The following ATXN1 variants were observed in gnomAD, a reference collection of about 807,000 sequenced individuals.
ATXN1 encodes the protein ataxin 1.
A neutral mutation model predicts 56.4 loss-of-function variants in ATXN1; 8 were observed. That is an observed-to-expected ratio of 0.14 (90% CI 0.08 to 0.26). ATXN1 has a LOEUF of 0.26. Ranked by LOEUF, ATXN1 falls within the 10% of genes least tolerant of loss-of-function variation. The probability of loss-of-function intolerance (pLI) is 1.00; values close to 1 mark genes in which losing one functional copy is unlikely to be tolerated. For missense variants in ATXN1, 987 were observed against 1,106.5 expected (o/e 0.89, Z 1.53); for synonymous variants, 514 against 494.6 (o/e 1.04, Z -0.52).
At chr6:16,428,207 C>T (rs6909206) in intron 6 of ATXN1, among the ~76,000 whole-genome samples, 70,316 of 149,850 alleles carry the variant, frequency 0.47, 16,776 homozygotes, top group Non-Finnish European at 0.5. Flanking sequence ...CAACCTCTGG[C>T]TCCCAGGTTC....
chr6:16,317,314 TTTC>T (rs1361415702), intron 7 of ATXN1, among the ~76,000 whole-genome samples: 1 of 151,668 alleles, frequency 6.6e-6, no homozygotes, highest in Non-Finnish European at 1.5e-5. Flanking sequence ...CTTTATAACT[TTTC>T]TTTCTTTCTT....
chr6:16,752,493 T>C (rs1225946170), intron 2 of ATXN1, among the ~76,000 whole-genome samples: 1 of 152,144 alleles, frequency 6.6e-6, no homozygotes, highest in East Asian at 1.9e-4. Flanking sequence ...TCTTCACAGT[T>C]TCAAGCAGGT....
intron 3 of ATXN1, among the ~76,000 whole-genome samples, chr6:16,639,314 A>C (rs556578702): frequency 6.6e-6 from 1 of 152,274 alleles, no homozygotes; most frequent in South Asian, 2.1e-4. Flanking sequence ...CTCACTGTGA[A>C]GGTCCGTGGC....
chr6:16,653,720 C>G (rs931711425), intron 3 of ATXN1, among the ~76,000 whole-genome samples: 6 of 152,260 alleles, frequency 3.9e-5, no homozygotes, highest in Non-Finnish European at 7.4e-5. Flanking sequence ...TAGGGGAACA[C>G]TTTACGTATT....
chr6:16,745,602 T>G (rs73725227), intron 2 of ATXN1, among the ~76,000 whole-genome samples: 159 of 152,360 alleles, frequency 1.0e-3, no homozygotes, highest in African/African-American at 3.7e-3. Context: ...ATTGTAAGGT[T>G]TGGGCAATAC....
intron 6 of ATXN1, among the ~76,000 whole-genome samples, chr6:16,472,590 A>G (rs1261199872): frequency 6.6e-6 from 1 of 152,234 alleles, no homozygotes; most frequent in Non-Finnish European, 1.5e-5. Context: ...GGCACTTTAA[A>G]TTATGAAGTC....
chr6:16,689,521 CTTTTTTT>C, intron 2 of ATXN1, among the ~76,000 whole-genome samples: 1 of 105,230 alleles, frequency 9.5e-6, no homozygotes, highest in South Asian at 3.2e-4. Flanking sequence ...TTTTTTTTTT[CTTTTTTT>C]TTTTTTTGTA....
intron 5 of ATXN1, among the ~76,000 whole-genome samples, chr6:16,502,540 T>C (rs948619651): frequency 2.0e-5 from 3 of 152,214 alleles, no homozygotes; most frequent in Non-Finnish European, 4.4e-5. Context: ...ATTCTGGCTA[T>C]AGACCGTAAA....
intron 6 of ATXN1, among the ~76,000 whole-genome samples, chr6:16,474,730 C>G (rs1581787527): frequency 3.4e-5 from 5 of 146,912 alleles, no homozygotes; most frequent in South Asian, 2.2e-4. Context: ...TAGGAGAGAG[C>G]TGGTCATGGT....
intron 4 of ATXN1, among the ~76,000 whole-genome samples, chr6:16,574,797 T>C (rs146833624): frequency 1.6e-3 from 241 of 151,144 alleles, no homozygotes; most frequent in African/African-American, 5.6e-3. Flanking sequence ...GTATTAGGAT[T>C]TCACCAGTTT....
chr6:16,620,550 T>C (rs1215544247), intron 3 of ATXN1, among the ~76,000 whole-genome samples: 1 of 152,098 alleles, frequency 6.6e-6, no homozygotes, highest in African/African-American at 2.4e-5. Flanking sequence ...TCCTAAGAAA[T>C]TGGGGCAATC....
chr6:16,327,126 C>A lies in ATXN1; in HGVS notation c.1185G>T (p.Leu395=). Residue 395 remains leucine (L), a synonymous_variant, in exon 7 of 8, where the codon CTG becomes CTT. Coordinates refer to ENST00000436367, the MANE Select transcript of ATXN1 (RefSeq NM_001128164.2). ...LPNSNTPAAD[L]EVQQATHREA... ...CACGATGAGTGGCCTGTTGCACCTC[C>A]AGGTCAGCTGCGGGCGTGTTGCTGT... The A allele has an allele frequency of 6.2e-7, 1 of 1,613,662 alleles. No homozygotes were observed. Among genetic ancestry groups the A allele is most frequent in the Non-Finnish European group, 8.5e-7 (1 of 1,180,042 alleles).
chr6:16,583,960 T>A (rs932196720), intron 4 of ATXN1, among the ~76,000 whole-genome samples: 1 of 152,128 alleles, frequency 6.6e-6, no homozygotes, highest in Non-Finnish European at 1.5e-5. Flanking sequence ...TTGATCATTT[T>A]CTCAAATGAT....
rs537574535 is a variant in ATXN1 at position 16,484,761 on chromosome 6, C to T, written c.-161+1211G>A. On this transcript the variant is annotated intron_variant, in intron 6 of 7. Coordinates refer to ENST00000436367, the MANE Select transcript of ATXN1 (RefSeq NM_001128164.2). ...ATGGATACATATGCATATTTTAATA[C>T]AAATGTTTAGAAATCTATGAAACCA... Among the ~76,000 whole-genome samples the T allele has an allele frequency of 3.7e-4, 57 of 152,042 alleles. 1 individual carries two copies. The highest frequency in any genetic ancestry group is 2.8e-4 in the Non-Finnish European group (19 of 68,004).
intron 2 of ATXN1, among the ~76,000 whole-genome samples, chr6:16,693,379 G>A (rs1759089817): frequency 6.6e-6 from 1 of 152,122 alleles, no homozygotes; most frequent in South Asian, 2.1e-4. Flanking sequence ...AACATCACAA[G>A]AAACAAGCAA....
At chr6:16,510,359 G>A (rs1282237980) in intron 5 of ATXN1, among the ~76,000 whole-genome samples, 1 of 152,140 alleles carries the variant, frequency 6.6e-6, no homozygotes, top group East Asian at 1.9e-4. Flanking sequence ...TACTTGACTG[G>A]TTGAACTGAC....
chr6:16,440,403 T>A (rs1391652956), intron 6 of ATXN1, among the ~76,000 whole-genome samples: 1 of 147,532 alleles, frequency 6.8e-6, no homozygotes, highest in Non-Finnish European at 1.5e-5. Context: ...AATAGTTGGA[T>A]AGAGAGAGGC....
chr6:16,412,694 G>C (rs902953845), intron 6 of ATXN1, among the ~76,000 whole-genome samples: 1 of 151,960 alleles, frequency 6.6e-6, no homozygotes, highest in Non-Finnish European at 1.5e-5. Flanking sequence ...AAATTTGAAG[G>C]GTACGCAAAA....
intron 4 of ATXN1, among the ~76,000 whole-genome samples, chr6:16,536,800 T>C (rs1297580305): frequency 2.6e-5 from 4 of 152,242 alleles, no homozygotes; most frequent in East Asian, 1.9e-4. Flanking sequence ...ATATAGGATA[T>C]GAGCTCTAGA....
Sources: allele counts gnomAD v4.1 joint callset (sites outside exome capture counted in the v4.1 genomes callset), GRCh38; gene constraint gnomAD v4.1.1; transcripts MANE v1.5; gene names NCBI Gene and HGNC (gene_info 2026-07-23, HGNC 2026-07-21).